The following FBXL17 variants were observed in gnomAD, a reference collection of about 807,000 sequenced individuals.
The protein encoded by FBXL17 is F-box and leucine rich repeat protein 17.
Under a neutral mutation model 66.2 loss-of-function variants are expected in FBXL17, and 22 were observed. The observed-to-expected ratio is 0.33, with a 90% CI of 0.24 to 0.47. FBXL17 has a LOEUF of 0.47. Ranked by LOEUF, FBXL17 falls within the 20% of genes least tolerant of loss-of-function variation. FBXL17 has a pLI of 1.00. For synonymous variants in FBXL17, 474 were observed against 400.5 expected (o/e 1.18, Z -2.19); for missense variants, 878 against 948.2 (o/e 0.93, Z 0.97).
intron 6 of FBXL17, among the ~76,000 whole-genome samples, chr5:108,173,646 T>C (rs969739219): frequency 2.0e-5 from 3 of 152,200 alleles, no homozygotes; most frequent in Non-Finnish European, 2.9e-5. Flanking sequence ...GGGCAGGATA[T>C]GTCACTAAAC....
At chr5:108,240,421 A>C (rs1334155722) in intron 4 of FBXL17, among the ~76,000 whole-genome samples, 1 of 152,178 alleles carries the variant, frequency 6.6e-6, no homozygotes, top group Non-Finnish European at 1.5e-5. Context: ...GTAGCCAGGC[A>C]GTACTCCCTG....
intron 4 of FBXL17, among the ~76,000 whole-genome samples, chr5:108,266,552 A>C (rs965444236): frequency 6.6e-6 from 1 of 152,130 alleles, no homozygotes; most frequent in Non-Finnish European, 1.5e-5. Context: ...TAACATCCCC[A>C]ATGTGCAAGA....
In FBXL17 at chr5:108,245,059, A is replaced by C. The variant is rs960379402; in HGVS notation, c.1507-20831T>G. 2.6e-5 allele frequency among the ~76,000 whole-genome samples: 4 copies of C among 152,292 alleles called. No individual in the cohort carries two copies. In the East Asian group the frequency reaches 5.8e-4, roughly 22 times the overall value. Reference sequence around the variant, plus strand: ...CAAAATAGTGAAGTTTCTTATTTGTAAAGGAAATATATCAGGAAGGTTTCC... The same window carrying C: ...CAAAATAGTGAAGTTTCTTATTTGTCAAGGAAATATATCAGGAAGGTTTCC... On this transcript the variant is annotated intron_variant, in intron 4 of 8. Coordinates refer to ENST00000542267, the MANE Select transcript of FBXL17 (RefSeq NM_001163315.3).
At chr5:108,284,579 G>A (rs542654539) in intron 4 of FBXL17, among the ~76,000 whole-genome samples, 1 of 151,914 alleles carries the variant, frequency 6.6e-6, no homozygotes, top group East Asian at 1.9e-4. Context: ...GGAAGATGAT[G>A]AGAAATTAGT....
intron 7 of FBXL17, among the ~76,000 whole-genome samples, chr5:107,900,122 C>T (rs948519223): frequency 6.6e-6 from 1 of 151,998 alleles, no homozygotes. Context: ...CAAGTAAACA[C>T]CTGATATTTT....
intron 6 of FBXL17, among the ~76,000 whole-genome samples, chr5:108,162,540 A>G (rs1752255837): frequency 6.6e-6 from 1 of 152,196 alleles, no homozygotes; most frequent in Admixed American, 6.5e-5. Flanking sequence ...AATTAATGAA[A>G]TTATATTCAG....
At chr5:108,159,802 T>G (rs1283146883) in intron 6 of FBXL17, among the ~76,000 whole-genome samples, 1 of 152,218 alleles carries the variant, frequency 6.6e-6, no homozygotes, top group Non-Finnish European at 1.5e-5. Context: ...TATCATATTT[T>G]CTTAACTTGT....
At chr5:107,998,749 A>G (rs1379988563) in intron 7 of FBXL17, among the ~76,000 whole-genome samples, 1 of 152,142 alleles carries the variant, frequency 6.6e-6, no homozygotes, top group Non-Finnish European at 1.5e-5. Flanking sequence ...TGATTTCTTC[A>G]TGAAGCTCTT....
At chr5:108,053,271 G>A (rs575151958) in intron 6 of FBXL17, among the ~76,000 whole-genome samples, 1 of 152,024 alleles carries the variant, frequency 6.6e-6, no homozygotes, top group Non-Finnish European at 1.5e-5. Flanking sequence ...CCTAAAGAAT[G>A]AGAGAAAATT....
At chr5:108,348,899 G>A (rs1487151934) in intron 3 of FBXL17, among the ~76,000 whole-genome samples, 1 of 152,090 alleles carries the variant, frequency 6.6e-6, no homozygotes, top group Non-Finnish European at 1.5e-5. Context: ...CAACCTCCTG[G>A]GCTAAAGAGA....
chr5:108,244,578 A>G (rs1378413121), intron 4 of FBXL17, among the ~76,000 whole-genome samples: 1 of 152,188 alleles, frequency 6.6e-6, no homozygotes, highest in Non-Finnish European at 1.5e-5. Context: ...CTCTATCTAC[A>G]TGGAGCTGAC....
intron 4 of FBXL17, among the ~76,000 whole-genome samples, chr5:108,341,643 C>A (rs1044717724): frequency 6.6e-6 from 1 of 152,046 alleles, no homozygotes; most frequent in African/African-American, 2.4e-5. Flanking sequence ...TTCTTATTAC[C>A]TAGAGACTTT....
At chr5:107,901,006 T>C (rs538838328) in intron 7 of FBXL17, among the ~76,000 whole-genome samples, 3 of 152,314 alleles carry the variant, frequency 2.0e-5, no homozygotes, top group Non-Finnish European at 2.9e-5. Flanking sequence ...ATATTTTTAA[T>C]GATTTTACTG....
chr5:108,279,184 C>G (rs1173424090), intron 4 of FBXL17, among the ~76,000 whole-genome samples: 1 of 152,136 alleles, frequency 6.6e-6, no homozygotes, highest in Non-Finnish European at 1.5e-5. Context: ...GCTGCTTCAC[C>G]TGGCCAGTAA....
At chr5:107,957,223 A>G (rs558125460) in intron 7 of FBXL17, among the ~76,000 whole-genome samples, 263 of 152,298 alleles carry the variant, frequency 1.7e-3, no homozygotes, top group African/African-American at 5.7e-3. Flanking sequence ...TAAGTAATCC[A>G]GGTGAGGATA....
At chr5:108,356,761 T>C (rs928757639) in intron 3 of FBXL17, among the ~76,000 whole-genome samples, 36 of 152,092 alleles carry the variant, frequency 2.4e-4, no homozygotes, top group African/African-American at 8.7e-4. Context: ...TGTCATTATA[T>C]ATTTGTCTAA....
intron 4 of FBXL17, among the ~76,000 whole-genome samples, chr5:108,343,606 G>A (rs1747036565): frequency 6.6e-6 from 1 of 152,130 alleles, no homozygotes; most frequent in African/African-American, 2.4e-5. Context: ...ATGGTGAACA[G>A]TAAGAGTCAG....
chr5:108,190,942 C>A (rs954823166), intron 5 of FBXL17, among the ~76,000 whole-genome samples: 1 of 152,198 alleles, frequency 6.6e-6, no homozygotes, highest in Admixed American at 6.5e-5. Flanking sequence ...AGATGCTGGG[C>A]AGCTTTCTGG....
At chr5:108,379,830 T>C (rs749717403) in intron 1 of FBXL17, among the ~76,000 whole-genome samples, 11 of 152,232 alleles carry the variant, frequency 7.2e-5, no homozygotes, top group Non-Finnish European at 1.6e-4. Context: ...TTCTTGGTAG[T>C]TGAAAATGAC....
Sources: gnomAD v4.1 joint callset for allele counts (sites outside exome capture counted in the v4.1 genomes callset) on GRCh38, gnomAD v4.1.1 for gene constraint, MANE v1.5 for transcripts, NCBI Gene and HGNC (gene_info 2026-07-23, HGNC 2026-07-21) for gene names.